The following MYH15 variants were observed in gnomAD, a reference collection of about 807,000 sequenced individuals.
The protein encoded by MYH15 is myosin heavy chain 15.
MYH15 carries 227 observed loss-of-function variants against 240.5 expected under a neutral mutation model. The observed-to-expected ratio is 0.94, with a 90% CI of 0.85 to 1.05. The LOEUF (loss-of-function observed/expected upper bound fraction) is 1.05. Ranked by LOEUF, MYH15 falls within the 50% of genes least tolerant of loss-of-function variation. MYH15 has a pLI of 0.00. For missense variants in MYH15, 2,217 were observed against 2,247.5 expected (o/e 0.99, Z 0.27); for synonymous variants, 785 against 796.7 (o/e 0.99, Z 0.25).
chr3:108,408,282 C>T lies in MYH15; in HGVS notation c.4618G>A (p.Glu1540Lys), dbSNP rs1576214333. Residue 1540 changes from glutamate to lysine, a missense_variant and splice_region_variant, in exon 32 of 41, where the codon GAG (glutamate) becomes AAG (lysine). By Grantham distance (56) the Glu-to-Lys change is moderately conservative. Coordinates refer to ENST00000693548, the MANE Select transcript of MYH15 (RefSeq NM_014981.3). ...TCTTTTCTCCCTGGTGATAATACCT[C>T]TGTTTCTTCCAGTGTCACCTGGACT... Reference protein sequence around the residue: ...TEVQVTLEETEGALERNESKI... With the variant: ...TEVQVTLEETKGALERNESKI... 3 of 1,610,454 alleles carry T rather than the reference C, an allele frequency of 1.9e-6. No homozygotes were observed. The African/African-American group carries it at 4.0e-5, about 22-fold the overall frequency.
intron 1 of MYH15, among the ~76,000 whole-genome samples, chr3:108,525,460 G>A (rs2083659516): frequency 6.6e-6 from 1 of 152,076 alleles, no homozygotes; most frequent in Non-Finnish European, 1.5e-5. Context: ...GAATGACCCA[G>A]CACATTGCAT....
chr3:108,511,097 C>A (rs1025832128), upstream of MYH15, among the ~76,000 whole-genome samples: 1 of 151,942 alleles, frequency 6.6e-6, no homozygotes, highest in Non-Finnish European at 1.5e-5. Flanking sequence ...CATCAAGTTG[C>A]GGACACTAGG....
At chr3:108,415,175 C>T (rs1455803274) in intron 29 of MYH15, among the ~76,000 whole-genome samples, 2 of 152,064 alleles carry the variant, frequency 1.3e-5, no homozygotes, top group Admixed American at 1.3e-4. Context: ...ATCTGGCTAA[C>T]CTAGCAGCAT....
chr3:108,541,210 T>C, the MYH15 span, among the ~76,000 whole-genome samples: 8 of 151,930 alleles, frequency 5.3e-5, no homozygotes, highest in East Asian at 1.5e-3. Flanking sequence ...AAATAAATAA[T>C]ATAGAAAAAT....
chr3:108,380,756 T>A lies in MYH15; in HGVS notation c.*789A>T, dbSNP rs1287891606. 1 of 152,268 alleles carries A rather than the reference T, an allele frequency of 6.6e-6. No individual in the cohort carries two copies. The allele number at this position is 152,268 out of a possible 1,614,324, so 9.4% of individuals were successfully genotyped here. On this transcript the variant is annotated 3_prime_UTR_variant, in exon 41 of 41. Coordinates refer to ENST00000693548, the MANE Select transcript of MYH15 (RefSeq NM_014981.3). ...TCATATTTTCAAGCTGTCACCATGC[T>A]TGGGTCTGTACACTGACCTTATGAG...
At chr3:108,480,574 TACAGAGTGAACCCA>T (rs2083259142) in intron 11 of MYH15, among the ~76,000 whole-genome samples, 1 of 152,140 alleles carries the variant, frequency 6.6e-6, no homozygotes, top group Admixed American at 6.6e-5. Flanking sequence ...AGTTTTAAAG[TACAGAGTGAACCCA>T]TTGCAGAATG....
chr3:108,512,539 T>C (rs2107256071), upstream of MYH15, among the ~76,000 whole-genome samples: 1 of 152,302 alleles, frequency 6.6e-6, no homozygotes, highest in Non-Finnish European at 1.5e-5. Flanking sequence ...TATCCATTAA[T>C]ACATGTGTGT....
At chr3:108,538,008 GA>G in the MYH15 span, among the ~76,000 whole-genome samples, 1 of 152,098 alleles carries the variant, frequency 6.6e-6, no homozygotes, top group East Asian at 1.9e-4. Flanking sequence ...TTCCTTGTGG[GA>G]TGATCCAAAC....
chr3:108,470,261 G>C (rs1191113675), intron 13 of MYH15, 49 bp from the exon 14 acceptor site: 10 of 1,369,024 alleles, frequency 7.3e-6, no homozygotes, highest in Non-Finnish European at 9.9e-6. Flanking sequence ...TAAAATTGAG[G>C]TCCACTTTCA....
rs1478807580 is a variant in MYH15 at position 108,441,270 on chromosome 3, TGAG to T, written c.2656-13_2656-11del. 2 of 1,613,214 alleles carry T rather than the reference TGAG, an allele frequency of 1.2e-6. No individual in the cohort carries two copies. The highest frequency in any genetic ancestry group is 8.5e-7 in the Non-Finnish European group (1 of 1,179,370). Reference sequence around the variant, plus strand: ...CCAGTGTCTCTTGCTCCTGCCATGATGAGGAGAAAATTGTTGCCAACAGCTGGA... The same window carrying T: ...CCAGTGTCTCTTGCTCCTGCCATGATGAGAAAATTGTTGCCAACAGCTGGA... On this transcript the variant is annotated splice_polypyrimidine_tract_variant and intron_variant, in intron 22 of 40. Coordinates refer to ENST00000693548, the MANE Select transcript of MYH15 (RefSeq NM_014981.3).
chr3:108,532,210 C>T (rs1409906895), upstream of MYH15, among the ~76,000 whole-genome samples: 2 of 151,966 alleles, frequency 1.3e-5, no homozygotes, highest in African/African-American at 4.8e-5. Flanking sequence ...TTTGGTCAAA[C>T]ATTATTCTCG....
rs1290406005 is a variant in MYH15 at position 108,405,464 on chromosome 3, T to C, written c.4621-11A>G. The stretch of plus-strand genomic sequence containing the variant: ...ACGTTCCAGGGCTCCCTGGAATACA[T>C]AAATAAAAAGCATTAAATGAAGTCC... On this transcript the variant is annotated splice_polypyrimidine_tract_variant and intron_variant, in intron 32 of 40. Transcript: ENST00000693548. 2.3e-5 allele frequency: 33 copies of C among 1,443,968 alleles called. No individual in the cohort carries two copies. The highest frequency in any genetic ancestry group is 3.0e-5 in the Non-Finnish European group (32 of 1,072,980). The allele number at this position is 1,443,968 out of a possible 1,614,324, so 89.4% of individuals were successfully genotyped here.
At chr3:108,488,510 GT>G (rs2083322523) in intron 9 of MYH15, among the ~76,000 whole-genome samples, 1 of 152,060 alleles carries the variant, frequency 6.6e-6, no homozygotes, top group African/African-American at 2.4e-5. Context: ...GTCTTGCTAT[GT>G]TGCCCAGGCT....
intron 1 of MYH15, among the ~76,000 whole-genome samples, chr3:108,510,060 C>A (rs527902771): frequency 2.9e-4 from 44 of 152,128 alleles, no homozygotes; most frequent in Non-Finnish European, 5.9e-4. Flanking sequence ...CAAACCCCAC[C>A]CACCAGTCTA....
At chr3:108,502,270 A>C (rs2083444528) in intron 2 of MYH15, among the ~76,000 whole-genome samples, 1 of 152,190 alleles carries the variant, frequency 6.6e-6, no homozygotes, top group African/African-American at 2.4e-5. Context: ...TTATCCTTCC[A>C]GACCTAGTTC....
intron 2 of MYH15, among the ~76,000 whole-genome samples, chr3:108,504,073 T>C (rs369810738): frequency 2.6e-5 from 4 of 152,330 alleles, no homozygotes; most frequent in South Asian, 4.1e-4. Flanking sequence ...TATGCTCCTA[T>C]TTATCTGAAA....
At chr3:108,463,542 C>T (rs570321482) in intron 15 of MYH15, among the ~76,000 whole-genome samples, 10 of 152,124 alleles carry the variant, frequency 6.6e-5, no homozygotes, top group East Asian at 3.9e-4. Flanking sequence ...ACATGTTGCT[C>T]GGTTTGGTCT....
chr3:108,528,772 C>T (rs1458366001), intron 1 of MYH15, among the ~76,000 whole-genome samples: 6 of 152,198 alleles, frequency 3.9e-5, no homozygotes, highest in Non-Finnish European at 8.8e-5. Context: ...CCAACTCATA[C>T]AGTCTGACAC....
chr3:108,481,460 T>C (rs2083267190), intron 11 of MYH15, among the ~76,000 whole-genome samples: 1 of 152,156 alleles, frequency 6.6e-6, no homozygotes, highest in Non-Finnish European at 1.5e-5. Flanking sequence ...AAAAACTAGC[T>C]GTATGAATGA....
Sources: allele counts gnomAD v4.1 joint callset (sites outside exome capture counted in the v4.1 genomes callset), GRCh38; gene constraint gnomAD v4.1.1; transcripts MANE v1.5; gene names NCBI Gene and HGNC (gene_info 2026-07-23, HGNC 2026-07-21).